The following MITF variants were observed in gnomAD, a reference collection of about 807,000 sequenced individuals.
The protein encoded by MITF is microphthalmia-associated transcription factor.
MITF carries 17 observed loss-of-function variants against 60.5 expected under a neutral mutation model. That is an observed-to-expected ratio of 0.28 (90% CI 0.19 to 0.42). The LOEUF is 0.42. Ranked by LOEUF, MITF falls within the 10% of genes least tolerant of loss-of-function variation. The probability of loss-of-function intolerance (pLI) is 1.00; values close to 1 mark genes in which losing one functional copy is unlikely to be tolerated. For missense variants in MITF, 622 were observed against 683.5 expected (o/e 0.91, Z 1.00); for synonymous variants, 260 against 248.5 (o/e 1.05, Z -0.43).
intron 6 of MITF, 100 bp from the exon 7 acceptor site, chr3:69,951,712 A>G: frequency 1.1e-6 from 1 of 891,904 alleles, no homozygotes; most frequent in Non-Finnish European, 1.8e-6. Flanking sequence ...AGTCAAGTCA[A>G]ATAAGCTTCT....
At chr3:69,895,842 G>GTGTT (rs2064863684) in intron 2 of MITF, among the ~76,000 whole-genome samples, 1 of 150,050 alleles carries the variant, frequency 6.7e-6, no homozygotes, top group Non-Finnish European at 1.5e-5. Context: ...GTGTGTGTGT[G>GTGTT]TGTGTGTATG....
chr3:69,879,277 C>A lies in MITF; in HGVS notation c.248C>A (p.Ala83Asp), dbSNP rs1269629234. The A allele has an allele frequency of 1.9e-6, 3 of 1,614,088 alleles. No individual in the cohort carries two copies. Among genetic ancestry groups the A allele is most frequent in the Non-Finnish European group, 2.5e-6 (3 of 1,180,042 alleles). The change falls in exon 2 of 10, where the codon GCC becomes GAC. Residue 83 changes from alanine to aspartate, a missense_variant. Physicochemically the swap from Ala to Asp is moderately radical, Grantham distance 126. Around this residue, in one of 5 missense-constraint regions of MITF, gnomAD observed 149 missense variants for 157.8 expected, o/e 0.94. Transcript: ENST00000352241. ...RREQQQKLQA[A>D]QFMQQRVPVS... ...GAGCAGCAGCAGAAGCTGCAGGCGG[C>A]CCAGTTCATGCAACAGAGAGTGCCC...
At chr3:69,841,848 A>C (rs912792562) in intron 1 of MITF, among the ~76,000 whole-genome samples, 2 of 152,210 alleles carry the variant, frequency 1.3e-5, no homozygotes, top group Non-Finnish European at 2.9e-5. Flanking sequence ...TATATGTACG[A>C]AGAAAAAAGA....
chr3:69,755,096 A>G (rs1355853327), intron 1 of MITF, among the ~76,000 whole-genome samples: 1 of 152,212 alleles, frequency 6.6e-6, no homozygotes, highest in African/African-American at 2.4e-5. Flanking sequence ...GGCACATGCT[A>G]TTTACAAGCA....
intron 1 of MITF, among the ~76,000 whole-genome samples, chr3:69,783,261 C>A (rs2062594464): frequency 6.6e-6 from 1 of 152,096 alleles, no homozygotes; most frequent in African/African-American, 2.4e-5. Flanking sequence ...CTGAAATTAC[C>A]TTTTGCTTGG....
chr3:69,951,099 T>C (rs2066239101), intron 6 of MITF, among the ~76,000 whole-genome samples: 1 of 146,920 alleles, frequency 6.8e-6, no homozygotes, highest in Non-Finnish European at 1.5e-5. Flanking sequence ...GCAGCTTTTT[T>C]TTTTTTTTTT....
At chr3:69,802,439 A>C (rs1348054506) in intron 1 of MITF, among the ~76,000 whole-genome samples, 1 of 152,116 alleles carries the variant, frequency 6.6e-6, no homozygotes, top group African/African-American at 2.4e-5. Flanking sequence ...AAATCCAGGG[A>C]GTGAAATAAA....
chr3:69,890,247 C>T (rs977612108), intron 2 of MITF, among the ~76,000 whole-genome samples: 4 of 152,124 alleles, frequency 2.6e-5, no homozygotes, highest in East Asian at 1.9e-4. Context: ...CAACGAGTCA[C>T]CCTTGGTAAC....
chr3:69,885,155 G>A (rs981764885), intron 2 of MITF, among the ~76,000 whole-genome samples: 3 of 152,136 alleles, frequency 2.0e-5, no homozygotes, highest in African/African-American at 7.2e-5. Context: ...CTAGTAGCTA[G>A]TAATGAAATG....
chr3:69,937,948 C>G lies in MITF; in HGVS notation c.481C>G (p.Pro161Ala). The change falls in exon 3 of 10, where the codon CCA (proline) becomes GCA (alanine). Residue 161 changes from proline to alanine, a missense_variant. Physicochemically the swap from Pro to Ala is conservative, Grantham distance 27 (BLOSUM62 -1). This residue lies in a region of MITF where 215 missense variants were observed against 224.8 expected (regional missense o/e 0.96). Coordinates refer to ENST00000352241, the MANE Select transcript of MITF (RefSeq NM_001354604.2). Reference protein sequence around the residue: ...HANQVLSLPCPNQPGDHVMPP... With the variant: ...HANQVLSLPCANQPGDHVMPP... ...CAACCAAGTCCTGAGCTTGCCATGTCCAAACCAGCCTGGCGATCATGTCAT... is the reference window on the plus strand; with the variant it reads ...CAACCAAGTCCTGAGCTTGCCATGTGCAAACCAGCCTGGCGATCATGTCAT... The G allele has an allele frequency of 3.7e-6, 6 of 1,614,140 alleles. No homozygotes were observed. The highest frequency in any genetic ancestry group is 5.1e-6 in the Non-Finnish European group (6 of 1,180,006).
intron 1 of MITF, among the ~76,000 whole-genome samples, chr3:69,868,697 A>C (rs1183057064): frequency 6.6e-6 from 1 of 152,022 alleles, no homozygotes; most frequent in Non-Finnish European, 1.5e-5. Flanking sequence ...TCAGGAGTTC[A>C]AGACCAGCCT....
At chr3:69,924,490 T>TAAA (rs1461545354) in intron 2 of MITF, among the ~76,000 whole-genome samples, 2 of 152,168 alleles carry the variant, frequency 1.3e-5, no homozygotes, top group Admixed American at 6.5e-5. Flanking sequence ...AATACATAAA[T>TAAA]ATGTGTGCAC....
Position 69,915,670 on chromosome 3 carries a change from T to G in MITF, c.355-22152T>G, listed in dbSNP as rs113469658. Among the ~76,000 whole-genome samples, 1,224 of 152,260 alleles carry G rather than the reference T, an allele frequency of 8.0e-3. 13 individuals are homozygous for G. Among genetic ancestry groups the G allele is most frequent in the African/African-American group, 0.028 (1,144 of 41,542 alleles). ...ATGAATTTATTGACAGGGTATTGGG[T>G]TACCTGCTGAGTTGCTAGGCAGTAA... On this transcript the variant is annotated intron_variant, in intron 2 of 9. Coordinates refer to ENST00000352241, the MANE Select transcript of MITF (RefSeq NM_001354604.2).
chr3:69,763,253 G>A (rs1256349680), intron 1 of MITF, among the ~76,000 whole-genome samples: 2 of 152,308 alleles, frequency 1.3e-5, no homozygotes, highest in East Asian at 1.9e-4. Context: ...TTGTGGGAAG[G>A]AGGACATAGA....
chr3:69,920,431 TG>T (rs1337923926), intron 2 of MITF, among the ~76,000 whole-genome samples: 3 of 152,198 alleles, frequency 2.0e-5, no homozygotes, highest in Non-Finnish European at 4.4e-5. Flanking sequence ...TGTGATGCTG[TG>T]CTTCGGTGGT....
At chr3:69,882,587 C>G (rs1036207784) in intron 2 of MITF, among the ~76,000 whole-genome samples, 3 of 152,044 alleles carry the variant, frequency 2.0e-5, no homozygotes, top group African/African-American at 7.2e-5. Context: ...CATCAAGAAC[C>G]ATTAATGGAA....
intron 1 of MITF, among the ~76,000 whole-genome samples, chr3:69,820,132 T>A (rs1156995122): frequency 1.3e-5 from 2 of 152,170 alleles, no homozygotes; most frequent in Non-Finnish European, 2.9e-5. Flanking sequence ...AAGTAAAATA[T>A]CTTGTTAACA....
intron 1 of MITF, among the ~76,000 whole-genome samples, chr3:69,818,146 C>T (rs1031218336): frequency 6.6e-6 from 1 of 152,138 alleles, no homozygotes; most frequent in Non-Finnish European, 1.5e-5. Context: ...AATCTGTTCC[C>T]CTTTGAGTGG....
chr3:69,806,273 G>A, intron 1 of MITF, among the ~76,000 whole-genome samples: 1 of 151,950 alleles, frequency 6.6e-6, no homozygotes, highest in Non-Finnish European at 1.5e-5. Context: ...TTTTGGTAGA[G>A]ACAGGGTTTT....
Sources: allele counts gnomAD v4.1 joint callset (sites outside exome capture counted in the v4.1 genomes callset), GRCh38; gene constraint gnomAD v4.1.1; regional missense constraint gnomAD v4.1.1; transcripts MANE v1.5; gene names NCBI Gene and HGNC (gene_info 2026-07-23, HGNC 2026-07-21).